Variants in LRFN5 observed in about 807,000 individuals in gnomAD.
LRFN5 encodes the protein leucine rich repeat and fibronectin type III domain containing 5.
A neutral mutation model predicts 45.6 loss-of-function variants in LRFN5; 24 were observed. The observed-to-expected ratio is 0.53, with a 90% CI of 0.38 to 0.74. The LOEUF (loss-of-function observed/expected upper bound fraction) is 0.74. LRFN5 is among the 30% of genes least tolerant of loss of function. LRFN5 has a pLI of 0.00. For synonymous variants in LRFN5, 340 were observed against 313.8 expected (o/e 1.08, Z -0.88); for missense variants, 776 against 861.5 (o/e 0.90, Z 1.24).
At chr14:41,754,429 G>C (rs57641668) in intron 1 of LRFN5, among the ~76,000 whole-genome samples, 1 of 152,002 alleles carries the variant, frequency 6.6e-6, no homozygotes, top group Non-Finnish European at 1.5e-5. Context: ...ATTAATTATT[G>C]CCTCAATTTC....
chr14:41,828,787 C>A (rs557920399), intron 2 of LRFN5, among the ~76,000 whole-genome samples: 2 of 152,026 alleles, frequency 1.3e-5, no homozygotes, highest in East Asian at 3.9e-4. Context: ...TTTCTCCAAT[C>A]TCAAATTAAC....
intron 2 of LRFN5, among the ~76,000 whole-genome samples, chr14:41,772,236 A>T (rs533832651): frequency 6.6e-6 from 1 of 152,284 alleles, no homozygotes; most frequent in Admixed American, 6.5e-5. Flanking sequence ...TCATGATCCA[A>T]ACACCTCCCA....
chr14:41,611,236 G>A (rs574462837), intron 1 of LRFN5, among the ~76,000 whole-genome samples: 2 of 152,312 alleles, frequency 1.3e-5, no homozygotes, highest in South Asian at 4.2e-4. Context: ...TTGGAGTTAG[G>A]TTAAAGGTCA....
chr14:41,783,110 A>T (rs759046185), intron 2 of LRFN5, among the ~76,000 whole-genome samples: 1 of 151,820 alleles, frequency 6.6e-6, no homozygotes, highest in Non-Finnish European at 1.5e-5. Flanking sequence ...GTGGAGAAAA[A>T]TCTGGGTATA....
chr14:41,611,638 C>T (rs1336462296), intron 1 of LRFN5, among the ~76,000 whole-genome samples: 2 of 152,104 alleles, frequency 1.3e-5, no homozygotes, highest in Middle Eastern at 3.4e-3. Flanking sequence ...CATTTTTTTC[C>T]CTTTCTCTTT....
chr14:41,658,627 A>T (rs985755982), intron 1 of LRFN5, among the ~76,000 whole-genome samples: 5 of 151,932 alleles, frequency 3.3e-5, no homozygotes, highest in Non-Finnish European at 5.9e-5. Context: ...AATGATACGC[A>T]ATTATCCTAT....
intron 2 of LRFN5, among the ~76,000 whole-genome samples, chr14:41,811,769 G>T (rs145823727): frequency 3.3e-5 from 5 of 152,030 alleles, no homozygotes; most frequent in Non-Finnish European, 5.9e-5. Flanking sequence ...AGGTGGGAAG[G>T]CTTGGGAGAA....
At chr14:41,625,951 T>C (rs750560025) in intron 1 of LRFN5, among the ~76,000 whole-genome samples, 19 of 152,248 alleles carry the variant, frequency 1.2e-4, no homozygotes, top group South Asian at 6.2e-4. Flanking sequence ...TGGAAGCCAT[T>C]GTGGGTATGT....
In LRFN5 at chr14:41,748,953, C is replaced by G. The variant is rs1440434594; in HGVS notation, c.-196-17901C>G. Among the ~76,000 whole-genome samples the G allele has an allele frequency of 4.0e-5, 6 of 151,686 alleles. No homozygotes were observed. The East Asian group carries it at 1.2e-3, about 29-fold the overall frequency. On this transcript the variant is annotated intron_variant, in intron 1 of 5. Coordinates refer to ENST00000298119, the MANE Select transcript of LRFN5 (RefSeq NM_152447.5). Reference sequence around the variant, plus strand: ...CTTGTAGTTCTGGAGGCAGTGGATTCTATAGCATGGCACCAGCATCTGGCA... The same window carrying G: ...CTTGTAGTTCTGGAGGCAGTGGATTGTATAGCATGGCACCAGCATCTGGCA...
intron 1 of LRFN5, among the ~76,000 whole-genome samples, chr14:41,730,820 A>G (rs1884140791): frequency 6.6e-6 from 1 of 151,888 alleles, no homozygotes; most frequent in South Asian, 2.1e-4. Context: ...TTAACAAAAG[A>G]TGAGAGTTTA....
intron 2 of LRFN5, among the ~76,000 whole-genome samples, chr14:41,874,184 A>C (rs368597857): frequency 1.3e-5 from 2 of 152,170 alleles, no homozygotes; most frequent in African/African-American, 4.8e-5. Flanking sequence ...GCAATGTTCA[A>C]TGTGTGAGTC....
intron 1 of LRFN5, among the ~76,000 whole-genome samples, chr14:41,653,604 A>G (rs184380063): frequency 6.6e-6 from 1 of 152,302 alleles, no homozygotes; most frequent in Admixed American, 6.5e-5. Flanking sequence ...ATTTTGGCTT[A>G]TACTAAAAAG....
chr14:41,900,089 T>C (rs1442062512), intron 5 of LRFN5, among the ~76,000 whole-genome samples: 2 of 152,086 alleles, frequency 1.3e-5, no homozygotes, highest in East Asian at 3.9e-4. Flanking sequence ...TCCTTCTCTT[T>C]CTCTCTTTCA....
intron 2 of LRFN5, among the ~76,000 whole-genome samples, chr14:41,868,695 A>C (rs17092293): frequency 0.083 from 12,561 of 152,244 alleles, 618 homozygotes; most frequent in Middle Eastern, 0.18. Flanking sequence ...AAGCATTTGA[A>C]TAGAGGCCAT....
intron 1 of LRFN5, among the ~76,000 whole-genome samples, chr14:41,762,776 T>A (rs1430599646): frequency 6.6e-6 from 1 of 152,136 alleles, no homozygotes; most frequent in Non-Finnish European, 1.5e-5. Context: ...AGTAATTGAA[T>A]GAACTGTAGT....
chr14:41,881,507 G>C (rs1890379951), intron 2 of LRFN5, among the ~76,000 whole-genome samples: 1 of 151,516 alleles, frequency 6.6e-6, no homozygotes, highest in Non-Finnish European at 1.5e-5. Flanking sequence ...TTGTGTCTAG[G>C]TGTTTATCTG....
chr14:41,793,431 T>A (rs767368193), intron 2 of LRFN5, among the ~76,000 whole-genome samples: 3 of 152,112 alleles, frequency 2.0e-5, no homozygotes, highest in African/African-American at 4.8e-5. Context: ...AATTTCATAA[T>A]ATTGTAACTT....
chr14:41,824,770 G>A (rs951438208), intron 2 of LRFN5, among the ~76,000 whole-genome samples: 1 of 152,100 alleles, frequency 6.6e-6, no homozygotes, highest in African/African-American at 2.4e-5. Context: ...GCCTTGGAGA[G>A]AGGGACAAAG....
chr14:41,659,542 T>C (rs1379155774), intron 1 of LRFN5, among the ~76,000 whole-genome samples: 1 of 152,138 alleles, frequency 6.6e-6, no homozygotes. Flanking sequence ...AGTAGAATGA[T>C]TTATAATCCT....
Sources: gnomAD v4.1 joint callset for allele counts (sites outside exome capture counted in the v4.1 genomes callset) on GRCh38, gnomAD v4.1.1 for gene constraint, MANE v1.5 for transcripts, NCBI Gene and HGNC (gene_info 2026-07-23, HGNC 2026-07-21) for gene names.